AGBL3: variants seen among roughly 807,000 people sequenced by gnomAD.
AGBL3 encodes cytosolic carboxypeptidase 3.
Under a neutral mutation model 94.5 loss-of-function variants are expected in AGBL3, and 68 were observed. The observed-to-expected ratio is 0.72, with a 90% confidence interval of 0.59 to 0.88. The LOEUF is 0.88. AGBL3 is among the 40% of genes least tolerant of loss of function. The probability of loss-of-function intolerance (pLI) is 0.00; values close to 1 mark genes in which losing one functional copy is unlikely to be tolerated. For missense variants in AGBL3, 934 were observed against 1,103.8 expected (o/e 0.85, Z 2.18); for synonymous variants, 354 against 370.7 (o/e 0.95, Z 0.52).
chr7:135,092,044 A>T (rs1417432142), intron 15 of AGBL3, among the ~76,000 whole-genome samples: 1 of 152,166 alleles, frequency 6.6e-6, no homozygotes, highest in African/African-American at 2.4e-5. Context: ...GAGGAAAATC[A>T]CTTCCTTGAC....
intron 12 of AGBL3, among the ~76,000 whole-genome samples, chr7:135,075,925 G>C (rs1287581688): frequency 6.6e-6 from 1 of 152,192 alleles, no homozygotes; most frequent in East Asian, 1.9e-4. Flanking sequence ...CTCCCACTGG[G>C]CTTGTGTTGG....
chr7:135,047,089 C>T (rs1817440312), intron 11 of AGBL3, among the ~76,000 whole-genome samples: 1 of 152,002 alleles, frequency 6.6e-6, no homozygotes, highest in African/African-American at 2.4e-5. Flanking sequence ...CTAGAAACCA[C>T]CATTTGACTT....
At chr7:135,010,785 A>G (rs999387463) in intron 4 of AGBL3, 1 of 152,258 alleles carries the variant, frequency 6.6e-6, no homozygotes, top group African/African-American at 2.4e-5. Flanking sequence ...CAAGATTTCT[A>G]TGAAGAAGCA....
intron 15 of AGBL3, among the ~76,000 whole-genome samples, chr7:135,098,492 CAGTT>C (rs1823263349): frequency 1.3e-5 from 2 of 152,158 alleles, no homozygotes; most frequent in Admixed American, 6.5e-5. Context: ...TTTCCATCCT[CAGTT>C]GGTTAAATCC....
chr7:135,117,932 G>A lies in AGBL3; in HGVS notation c.2342+2321G>A, dbSNP rs1360375665. 2.0e-5 allele frequency among the ~76,000 whole-genome samples: 3 copies of A among 152,192 alleles called. 1 individual carries two copies. Among genetic ancestry groups the A allele is most frequent in the South Asian group, 4.1e-4 (2 of 4,830 alleles). The stretch of plus-strand genomic sequence containing the variant: ...TACTTTGGAATTGGAATGAGAGATA[G>A]TGGATCAGTCTTGCACATGAAACTG... On this transcript the variant is annotated intron_variant, in intron 16 of 16. Transcript: ENST00000436302.
chr7:135,133,838 G>A (rs1446906341), intron 16 of AGBL3, among the ~76,000 whole-genome samples: 1 of 151,972 alleles, frequency 6.6e-6, no homozygotes, highest in Non-Finnish European at 1.5e-5. Flanking sequence ...TCATTGAATG[G>A]ATGAATTATT....
At chr7:135,100,519 G>C (rs182936764) in intron 15 of AGBL3, among the ~76,000 whole-genome samples, 3 of 152,266 alleles carry the variant, frequency 2.0e-5, no homozygotes, top group Admixed American at 2.0e-4. Context: ...ACAACAGAGA[G>C]ACCATGGTAT....
intron 4 of AGBL3, among the ~76,000 whole-genome samples, chr7:134,995,876 A>G (rs900608666): frequency 3.3e-5 from 5 of 152,186 alleles, no homozygotes; most frequent in African/African-American, 1.2e-4. Context: ...CTGGTCCTCA[A>G]GCCAACTGGA....
chr7:135,079,632 A>AT (rs11393217), intron 13 of AGBL3, among the ~76,000 whole-genome samples: 138,609 of 140,560 alleles, frequency 0.99, 68,346 homozygotes, highest in South Asian at 1. Flanking sequence ...CTCCCCACTA[A>AT]TTTTTTTTTT....
rs190061611 is a variant in AGBL3 at position 135,119,419 on chromosome 7, C to T, written c.2342+3808C>T. 7.5e-4 allele frequency among the ~76,000 whole-genome samples: 113 copies of T among 151,582 alleles called. No individual in the cohort carries two copies. In the East Asian group the frequency reaches 0.011, roughly 14 times the overall value. ...CCAATTTTTGTATTTTTAGTAGAGA[C>T]GAGGTTTTGCTGTGTTGGCCATGCT... is the stretch of plus-strand genomic sequence containing the variant. On this transcript the variant is annotated intron_variant, in intron 16 of 16. Transcript: ENST00000436302.
intron 12 of AGBL3, among the ~76,000 whole-genome samples, chr7:135,073,135 C>G (rs376132318): frequency 2.4e-4 from 37 of 152,044 alleles, no homozygotes; most frequent in African/African-American, 8.4e-4. Flanking sequence ...ATAGAAGGGT[C>G]ATTACCAGGG....
intron 15 of AGBL3, among the ~76,000 whole-genome samples, chr7:135,096,520 A>G (rs1822745162): frequency 7.2e-6 from 1 of 139,826 alleles, no homozygotes; most frequent in Non-Finnish European, 1.6e-5. Flanking sequence ...AAAAAAGAAA[A>G]AGAGAAAAAA....
chr7:135,022,832 TTA>T (rs1258684498), intron 5 of AGBL3, among the ~76,000 whole-genome samples: 3 of 152,234 alleles, frequency 2.0e-5, no homozygotes, highest in African/African-American at 7.2e-5. Flanking sequence ...CTTTTAATTA[TTA>T]TGTTTAATAT....
At position 135,120,404 on chromosome 7, in the gene AGBL3, G is replaced by C. The variant is rs145791716; in HGVS notation, c.2342+4793G>C. Among the ~76,000 whole-genome samples the C allele has an allele frequency of 5.2e-3, 796 of 152,212 alleles. 2 individuals are homozygous for C. The highest frequency in any genetic ancestry group is 0.015 in the African/African-American group (627 of 41,518). On this transcript the variant is annotated intron_variant, in intron 16 of 16. Transcript: ENST00000436302. ...TAAGTTAACACAACCAATAAATTGT[G>C]ATAAGTTATGCATATGTAGTATAAT...
chr7:135,025,486 C>T (rs1814988874), intron 5 of AGBL3, among the ~76,000 whole-genome samples: 1 of 151,610 alleles, frequency 6.6e-6, no homozygotes. Context: ...CCTGCTACCA[C>T]AAAAACATGC....
At chr7:135,091,509 G>T (rs1962205) in intron 15 of AGBL3, among the ~76,000 whole-genome samples, 66,774 of 152,012 alleles carry the variant, frequency 0.44, 15,369 homozygotes, top group East Asian at 0.77. Flanking sequence ...AACCTGTGTT[G>T]TTCACAGGTC....
chr7:135,129,667 T>C, intron 16 of AGBL3: 2 of 778,670 alleles, frequency 2.6e-6, no homozygotes, highest in Middle Eastern at 3.7e-4. Context: ...GATGAAGATA[T>C]TTGGGAAGAT....
At chr7:135,100,836 C>A (rs1274440131) in intron 15 of AGBL3, among the ~76,000 whole-genome samples, 1 of 152,116 alleles carries the variant, frequency 6.6e-6, no homozygotes. Flanking sequence ...CCACCTCTGC[C>A]CCTTACTAGT....
chr7:135,111,224 C>G (rs965992595), intron 15 of AGBL3, among the ~76,000 whole-genome samples: 2 of 152,182 alleles, frequency 1.3e-5, no homozygotes, highest in Non-Finnish European at 2.9e-5. Context: ...CAGCAGTGCT[C>G]TAGATCCCAT....
Sources: gnomAD v4.1 joint callset for allele counts (sites outside exome capture counted in the v4.1 genomes callset) on GRCh38, gnomAD v4.1.1 for gene constraint, MANE v1.5 for transcripts, NCBI Gene and HGNC (gene_info 2026-07-23, HGNC 2026-07-21) for gene names.